The following NUP155 variants were observed in gnomAD, a reference collection of about 807,000 sequenced individuals.
The protein encoded by NUP155 is nucleoporin 155, also known as nuclear pore complex protein Nup155.
NUP155 carries 71 observed loss-of-function variants against 180.4 expected under a neutral mutation model. The observed-to-expected ratio is 0.39, with a 90% CI of 0.33 to 0.48. The LOEUF (loss-of-function observed/expected upper bound fraction) is 0.48. Among genes scored for constraint, NUP155 ranks in the 20% least tolerant of loss-of-function variants. The pLI is 0.91. For missense variants in NUP155, 1,553 were observed against 1,648.9 expected, an observed-to-expected ratio of 0.94 and a Z score of 1.01; for synonymous variants, 582 against 559.5, an observed-to-expected ratio of 1.04 and a Z score of -0.57.
chr5:37,350,116 T>C (rs1173243855), intron 7 of NUP155, 44 bp downstream of exon 7: 2 of 1,278,304 alleles, frequency 1.6e-6, no homozygotes, highest in African/African-American at 1.5e-5. Flanking sequence ...GAACAATGTG[T>C]TAGAAATTAG....
intron 4 of NUP155, among the ~76,000 whole-genome samples, chr5:37,356,694 A>G (rs1440982536): frequency 6.6e-6 from 1 of 152,030 alleles, no homozygotes; most frequent in Non-Finnish European, 1.5e-5. Flanking sequence ...AAATCAATCA[A>G]TTCTCCTTCT....
At position 37,330,070 on chromosome 5, in the gene NUP155, T is replaced by A; in HGVS notation, c.1692A>T (p.Glu564Asp). 4 of 1,613,724 alleles carry A rather than the reference T, an allele frequency of 2.5e-6. No individual in the cohort carries two copies. Among genetic ancestry groups the A allele is most frequent in the Non-Finnish European group, 3.4e-6 (4 of 1,179,780 alleles). Residue 564 changes from glutamate to aspartate, a missense_variant, in exon 15 of 35, where the codon GAA becomes GAT. Physicochemically the swap from Glu to Asp is conservative, Grantham distance 45 (BLOSUM62 2). Transcript: ENST00000231498. ...LACSTAACDR[E>D]VSAWATRAFF... ...AAGCCCGAGTAGCCCAGGCAGATAC[T>A]TCTCTATCACAGGCAGCAGTGGAGC...
At chr5:37,295,329 G>A (rs1355617217) in intron 32 of NUP155, among the ~76,000 whole-genome samples, 1 of 152,184 alleles carries the variant, frequency 6.6e-6, no homozygotes, top group African/African-American at 2.4e-5. Flanking sequence ...GATTGCAGAC[G>A]GAGTCTCCTT....
In NUP155 at chr5:37,342,562, A is replaced by G; in HGVS notation, c.1080T>C (p.Ala360=). Residue 360 remains alanine, a synonymous_variant, in exon 10 of 35, where the codon GCT becomes GCC. Transcript: ENST00000231498. ...AAAACAACATACCTGCATGTGTGAC[A>G]GCCAATAACTGACAGTCCAGTGATT... ...NSESLDCQLL[A]VTHAGVRLYF... 6.2e-7 allele frequency: 1 copy of G among 1,607,290 alleles called. No individual in the cohort carries two copies. The highest frequency in any genetic ancestry group is 8.5e-7 in the Non-Finnish European group (1 of 1,173,784).
At chr5:37,340,585 A>C (rs965121094) in intron 11 of NUP155, among the ~76,000 whole-genome samples, 2 of 152,252 alleles carry the variant, frequency 1.3e-5, no homozygotes, top group Non-Finnish European at 2.9e-5. Flanking sequence ...TCCAGATTCC[A>C]TACATTAACG....
chr5:37,307,542 T>C (rs1002965166), intron 24 of NUP155, 110 bp from the exon 25 acceptor site: 6 of 1,004,920 alleles, frequency 6.0e-6, no homozygotes, highest in Admixed American at 1.9e-5. Context: ...TACTGTACAA[T>C]AGTCACCCTG....
chr5:37,299,532 C>G lies in NUP155; in HGVS notation c.3598G>C (p.Glu1200Gln). ...CAATGAATTATTGCAAGTTTGCACT[C>G]TGCAAGTTTAAATGGGTCAGCAAAT... ...GEFADPFKLA[E>Q]CKLAIIHCAG... Residue 1200 changes from glutamate to glutamine, a missense_variant, in exon 31 of 35, where the codon GAG becomes CAG. By Grantham distance (29) the Glu-to-Gln change is conservative (BLOSUM62 2). Coordinates refer to ENST00000231498, the MANE Select transcript of NUP155 (RefSeq NM_153485.3). 6.2e-7 allele frequency: 1 copy of G among 1,614,050 alleles called. No individual in the cohort carries two copies. The highest frequency in any genetic ancestry group is 1.1e-5 in the South Asian group (1 of 91,080).
At chr5:37,313,513 CAG>C (rs1268759705) in intron 22 of NUP155, among the ~76,000 whole-genome samples, 1 of 142,240 alleles carries the variant, frequency 7.0e-6, no homozygotes, top group Non-Finnish European at 1.5e-5. Context: ...GTGAGAGAGA[CAG>C]AGAGAGACAG....
In NUP155 at chr5:37,340,765, T is replaced by C. The variant is rs193044736; in HGVS notation, c.1246+325A>G. On this transcript the variant is annotated intron_variant, in intron 11 of 34. Transcript: ENST00000231498. ...ACAAAACAGATCAAAAACCTAAATG[T>C]AGCAGTGAAAACTACACTTTCAACT... 2.6e-5 allele frequency among the ~76,000 whole-genome samples: 4 copies of C among 152,330 alleles called. No homozygotes were observed. In the East Asian group the frequency reaches 5.8e-4, roughly 22 times the overall value.
chr5:37,316,157 C>T (rs1410642757), intron 21 of NUP155, among the ~76,000 whole-genome samples: 1 of 152,146 alleles, frequency 6.6e-6, no homozygotes, highest in Admixed American at 6.5e-5. Context: ...ACGGAAGTAA[C>T]TCAGTGTCCA....
intron 5 of NUP155, among the ~76,000 whole-genome samples, chr5:37,351,895 C>T (rs1746490308): frequency 6.8e-6 from 1 of 147,116 alleles, no homozygotes; most frequent in Admixed American, 6.8e-5. Flanking sequence ...TGTGTGTGTG[C>T]CTGTGTGTTT....
At chr5:37,332,424 C>A (rs190465616) in intron 13 of NUP155, among the ~76,000 whole-genome samples, 2 of 150,276 alleles carry the variant, frequency 1.3e-5, no homozygotes, top group Admixed American at 1.3e-4. Flanking sequence ...CGGGTTCATG[C>A]CATTCTCCTG....
intron 27 of NUP155, among the ~76,000 whole-genome samples, chr5:37,304,266 AAAAAAAAG>A (rs1396010576): frequency 1.3e-3 from 201 of 149,838 alleles, no homozygotes; most frequent in Middle Eastern, 3.4e-3. Context: ...AAAAAAAAAA[AAAAAAAAG>A]GGAAATTTAC....
chr5:37,321,829 T>C (rs549067621), intron 20 of NUP155, among the ~76,000 whole-genome samples: 11 of 152,202 alleles, frequency 7.2e-5, no homozygotes, highest in Admixed American at 3.9e-4. Flanking sequence ...TAAAGAAGTG[T>C]ATATTTATGT....
intron 33 of NUP155, 114 bp downstream of exon 33, chr5:37,294,215 T>A (rs1193253430): frequency 2.8e-6 from 2 of 708,712 alleles, no homozygotes; most frequent in Non-Finnish European, 4.8e-6. Context: ...CTCAACCAAG[T>A]GTAATTAGAC....
chr5:37,306,352 G>A (rs1288338144), intron 25 of NUP155, among the ~76,000 whole-genome samples: 1 of 152,154 alleles, frequency 6.6e-6, no homozygotes, highest in Non-Finnish European at 1.5e-5. Flanking sequence ...AGAGTACAGT[G>A]AGCTATGATG....
chr5:37,301,100 G>C, intron 30 of NUP155: 1 of 308,710 alleles, frequency 3.2e-6, no homozygotes, highest in South Asian at 3.0e-5. Flanking sequence ...TTGGATTACA[G>C]GCGTGAGCCA....
At chr5:37,353,810 A>C (rs1404440621) in intron 4 of NUP155, among the ~76,000 whole-genome samples, 1 of 152,184 alleles carries the variant, frequency 6.6e-6, no homozygotes, top group African/African-American at 2.4e-5. Context: ...AGGAGTTTTT[A>C]GTTAATAGGT....
Position 37,305,057 on chromosome 5 carries a change from A to C in NUP155, c.3057T>G (p.His1019Gln), listed in dbSNP as rs753458835. The C allele has an allele frequency of 6.2e-7, 1 of 1,613,226 alleles. No homozygotes were observed. Among genetic ancestry groups the C allele is most frequent in the Non-Finnish European group, 8.5e-7 (1 of 1,179,986 alleles). Reference sequence around the variant, plus strand: ...AATGAAAATATACTATGTCCCTTACATGATGTCCTGCTTCTTCATTACTCA... The same window carrying C: ...AATGAAAATATACTATGTCCCTTACCTGATGTCCTGCTTCTTCATTACTCA... The part of the protein sequence containing the change: ...NMLSNEEAGH[H>Q]FEQMLKLSQR... The change falls in exon 26 of 35, where the codon CAT becomes CAG. Residue 1019 changes from histidine to glutamine, a missense_variant and splice_region_variant. Coordinates refer to ENST00000231498, the MANE Select transcript of NUP155 (RefSeq NM_153485.3).
Sources: allele counts gnomAD v4.1 joint callset (sites outside exome capture counted in the v4.1 genomes callset), GRCh38; gene constraint gnomAD v4.1.1; transcripts MANE v1.5; gene names NCBI Gene and HGNC (gene_info 2026-07-23, HGNC 2026-07-21).